DNAJC6: variants seen among roughly 807,000 people sequenced by gnomAD.
DNAJC6 encodes the protein auxilin.
Under a neutral mutation model 110.0 loss-of-function variants are expected in DNAJC6, and 34 were observed. The observed-to-expected ratio is 0.31, with a 90% CI of 0.24 to 0.41. The LOEUF (loss-of-function observed/expected upper bound fraction) is 0.41. Among genes scored for constraint, DNAJC6 ranks in the 10% least tolerant of loss-of-function variants. The pLI is 1.00. For synonymous variants in DNAJC6, 406 were observed against 437.2 expected, an observed-to-expected ratio of 0.93 and a Z score of 0.89; for missense variants, 1,031 against 1,207.8, an observed-to-expected ratio of 0.85 and a Z score of 2.17.
intron 1 of DNAJC6, among the ~76,000 whole-genome samples, chr1:65,362,969 G>A (rs1645612292): frequency 6.6e-6 from 1 of 152,166 alleles, no homozygotes; most frequent in Admixed American, 6.5e-5. Flanking sequence ...AAGAAAAGAA[G>A]TTTAATTGAT....
chr1:65,387,046 A>G, intron 8 of DNAJC6, 117 bp downstream of exon 8: 1 of 879,294 alleles, frequency 1.1e-6, no homozygotes, highest in South Asian at 1.5e-5. Flanking sequence ...AGAATGAAAA[A>G]GAGCGTTTAA....
chr1:65,412,796 GA>G, intron 18 of DNAJC6, 127 bp from the exon 19 acceptor site: 2 of 815,624 alleles, frequency 2.5e-6, no homozygotes, highest in Non-Finnish European at 3.9e-6. Flanking sequence ...AGATTAGGCT[GA>G]AAAGGAGAAA....
At chr1:65,409,849 T>C (rs927687509) in intron 17 of DNAJC6, among the ~76,000 whole-genome samples, 1 of 152,208 alleles carries the variant, frequency 6.6e-6, no homozygotes, top group African/African-American at 2.4e-5. Context: ...CATACTTTTT[T>C]CCTCAAATCA....
In DNAJC6 at chr1:65,392,779, A is replaced by C. The variant is rs199937139; in HGVS notation, c.1817A>C (p.His606Pro). ...AGQSGVEDVF[H>P]PSGPASTQST... ...CAGTCAGGAGTGGAAGATGTGTTTC[A>C]TCCTAGTGGACCTGCGTCTACCCAG... The change falls in exon 12 of 19, where the codon CAT becomes CCT. Residue 606 changes from histidine to proline, a missense_variant. His to Pro is a moderately conservative substitution (Grantham distance 77). Transcript: ENST00000371069. 403 of 1,609,312 alleles carry C rather than the reference A, an allele frequency of 2.5e-4. No homozygotes were observed. The highest frequency in any genetic ancestry group is 2.9e-4 in the Non-Finnish European group (338 of 1,177,848).
intron 1 of DNAJC6, among the ~76,000 whole-genome samples, chr1:65,303,006 T>A (rs150964644): frequency 4.6e-5 from 7 of 152,336 alleles, no homozygotes; most frequent in Non-Finnish European, 1.0e-4. Context: ...TATTCTATTA[T>A]AGCAGCACAA....
intron 1 of DNAJC6, among the ~76,000 whole-genome samples, chr1:65,350,042 T>G (rs1026234262): frequency 6.6e-6 from 1 of 152,200 alleles, no homozygotes; most frequent in African/African-American, 2.4e-5. Flanking sequence ...AATTCAATAG[T>G]GCTAAGTGCC....
chr1:65,383,118 G>A (rs1182753126), intron 5 of DNAJC6, among the ~76,000 whole-genome samples: 1 of 152,114 alleles, frequency 6.6e-6, no homozygotes, highest in Non-Finnish European at 1.5e-5. Context: ...AACTGGAATG[G>A]GCTACTTCAA....
intron 4 of DNAJC6, among the ~76,000 whole-genome samples, chr1:65,372,143 T>TGG (rs1388466519): frequency 1.1e-4 from 15 of 131,418 alleles, no homozygotes; most frequent in East Asian, 4.8e-4. Context: ...TATTGACATT[T>TGG]GGGGTGTGTG....
At position 65,379,422 on chromosome 1, in the gene DNAJC6, C is replaced by T. The variant is rs778346421; in HGVS notation, c.564C>T (p.Pro188=). The T allele has an allele frequency of 1.2e-6, 2 of 1,613,898 alleles. No homozygotes were observed. The highest frequency in any genetic ancestry group is 1.3e-5 in the African/African-American group (1 of 74,910). ...CTTAGGTCTCAGAATGCAGTTGGCC[C>T]ATTAGGCAGGCTCCCAGTCTGCACA... ...FHSRVSECSW[P]IRQAPSLHNL... The change falls in exon 5 of 19, where the codon CCC becomes CCT. Residue 188 remains proline, a synonymous_variant. Coordinates refer to ENST00000371069, the MANE Select transcript of DNAJC6 (RefSeq NM_001256864.2).
At chr1:65,363,768 C>G (rs960500433) in intron 1 of DNAJC6, among the ~76,000 whole-genome samples, 2 of 152,042 alleles carry the variant, frequency 1.3e-5, no homozygotes, top group African/African-American at 4.8e-5. Context: ...AGTATTTAGC[C>G]TAAAATGTCA....
chr1:65,411,952 C>T (rs1242453950), intron 18 of DNAJC6, among the ~76,000 whole-genome samples: 1 of 152,128 alleles, frequency 6.6e-6, no homozygotes, highest in Non-Finnish European at 1.5e-5. Flanking sequence ...GCCTGGGCAA[C>T]AGAGTGAGAC....
intron 1 of DNAJC6, among the ~76,000 whole-genome samples, chr1:65,355,688 C>G (rs952988172): frequency 7.2e-5 from 11 of 152,158 alleles, no homozygotes; most frequent in African/African-American, 2.4e-4. Flanking sequence ...CAGGTCACGT[C>G]AAGATGAGAA....
intron 1 of DNAJC6, among the ~76,000 whole-genome samples, chr1:65,290,170 C>G (rs1644853891): frequency 6.6e-6 from 1 of 152,292 alleles, no homozygotes. Context: ...CTGGAAAAGT[C>G]AAGATAAAGG....
At chr1:65,377,745 C>T (rs1221827068) in intron 4 of DNAJC6, among the ~76,000 whole-genome samples, 1 of 152,150 alleles carries the variant, frequency 6.6e-6, no homozygotes, top group Non-Finnish European at 1.5e-5. Context: ...AGATAATTTC[C>T]TAGTCGTATT....
chr1:65,309,442 CG>C, upstream of DNAJC6: 2 of 748,306 alleles, frequency 2.7e-6, no homozygotes, highest in Non-Finnish European at 3.4e-6. Flanking sequence ...GCCTGGGGCC[CG>C]GAGCTCGGCA....
intron 18 of DNAJC6, among the ~76,000 whole-genome samples, chr1:65,411,697 G>A (rs747806142): frequency 6.7e-6 from 1 of 149,278 alleles, no homozygotes; most frequent in Non-Finnish European, 1.5e-5. Flanking sequence ...GTCTGAGTAC[G>A]GTGGCTCATG....
At chr1:65,352,309 G>C (rs528345490) in intron 1 of DNAJC6, among the ~76,000 whole-genome samples, 1 of 152,182 alleles carries the variant, frequency 6.6e-6, no homozygotes, top group African/African-American at 2.4e-5. Context: ...GTTCCTGACT[G>C]TGCCTGATGA....
rs1244515744 is a variant in DNAJC6 at position 65,360,001 on chromosome 1, C to T, written c.194-4634C>T. On this transcript the variant is annotated intron_variant, in intron 1 of 18. Coordinates refer to ENST00000371069, the MANE Select transcript of DNAJC6 (RefSeq NM_001256864.2). ...AAAACAGGCCGTGGACTGGATCTGGCCCATGGGATCCAGTTTGTTACCCCT... is the reference window on the plus strand; with the variant it reads ...AAAACAGGCCGTGGACTGGATCTGGTCCATGGGATCCAGTTTGTTACCCCT... 3.3e-5 allele frequency among the ~76,000 whole-genome samples: 5 copies of T among 152,196 alleles called. No individual in the cohort carries two copies. The South Asian group carries it at 1.0e-3, about 31-fold the overall frequency.
At chr1:65,367,092 A>G (rs1036467649) in intron 4 of DNAJC6, among the ~76,000 whole-genome samples, 36 of 152,248 alleles carry the variant, frequency 2.4e-4, no homozygotes, top group African/African-American at 7.9e-4. Flanking sequence ...CTGCCCTAAT[A>G]TTCAATAAGC....
Sources: allele counts gnomAD v4.1 joint callset (sites outside exome capture counted in the v4.1 genomes callset), GRCh38; gene constraint gnomAD v4.1.1; transcripts MANE v1.5; gene names NCBI Gene and HGNC (gene_info 2026-07-23, HGNC 2026-07-21).